ZEB1: variants seen among roughly 807,000 people sequenced by gnomAD.
The protein encoded by ZEB1 is zinc finger E-box binding homeobox 1.
In ZEB1, 21 loss-of-function variants were observed where a neutral mutation model predicts 84.9. The observed-to-expected ratio is 0.25, with a 90% confidence interval of 0.18 to 0.36. The LOEUF is 0.36. ZEB1 is among the 10% of genes least tolerant of loss of function. The pLI is 1.00. For synonymous variants in ZEB1, 420 were observed against 471.1 expected, an observed-to-expected ratio of 0.89 and a Z score of 1.41; for missense variants, 1,104 against 1,330.2, an observed-to-expected ratio of 0.83 and a Z score of 2.65.
chr10:31,370,580 T>C (rs1292623320), intron 1 of ZEB1, among the ~76,000 whole-genome samples: 1 of 152,206 alleles, frequency 6.6e-6, no homozygotes, highest in Non-Finnish European at 1.5e-5. Flanking sequence ...AAAATTTAAG[T>C]TAATCATACA....
chr10:31,323,717 T>A (rs763753332), intron 1 of ZEB1, among the ~76,000 whole-genome samples: 1 of 152,120 alleles, frequency 6.6e-6, no homozygotes, highest in Non-Finnish European at 1.5e-5. Flanking sequence ...TGCATGAGAC[T>A]GTATTTAGTT....
chr10:31,328,232 T>G (rs144078393), intron 1 of ZEB1, among the ~76,000 whole-genome samples: 1 of 152,310 alleles, frequency 6.6e-6, no homozygotes, highest in East Asian at 1.9e-4. Flanking sequence ...GAATACACCC[T>G]TTCTTAAGAG....
At chr10:31,378,722 A>G (rs2047121831) in intron 1 of ZEB1, among the ~76,000 whole-genome samples, 1 of 151,926 alleles carries the variant, frequency 6.6e-6, no homozygotes, top group Non-Finnish European at 1.5e-5. Context: ...CGGTAAAAGT[A>G]AAGTCAAGGA....
chr10:31,408,146 T>C (rs891567530), intron 1 of ZEB1, among the ~76,000 whole-genome samples: 129 of 151,816 alleles, frequency 8.5e-4, no homozygotes, highest in African/African-American at 3.0e-3. Context: ...CATTCACAAT[T>C]GCTTCAAAGA....
chr10:31,506,036 A>G (rs558420611), intron 4 of ZEB1, among the ~76,000 whole-genome samples: 8 of 151,956 alleles, frequency 5.3e-5, no homozygotes, highest in East Asian at 3.8e-4. Flanking sequence ...TGGTTATTCA[A>G]AAGCATGTTG....
At chr10:31,469,354 C>T (rs953413391) in intron 2 of ZEB1, among the ~76,000 whole-genome samples, 33 of 152,256 alleles carry the variant, frequency 2.2e-4, no homozygotes, top group East Asian at 7.7e-4. Context: ...AGTGGGTGCG[C>T]GCACCATGCG....
intron 1 of ZEB1, among the ~76,000 whole-genome samples, chr10:31,437,326 C>T (rs1383406236): frequency 1.3e-5 from 2 of 152,122 alleles, no homozygotes; most frequent in Non-Finnish European, 2.9e-5. Context: ...TAAATGTCTT[C>T]ATTCTCCTAT....
intron 5 of ZEB1, among the ~76,000 whole-genome samples, chr10:31,514,298 T>G (rs1212062049): frequency 6.6e-6 from 1 of 152,136 alleles, no homozygotes; most frequent in Non-Finnish European, 1.5e-5. Flanking sequence ...TTTTACTAAT[T>G]TTGAATATTG....
At chr10:31,418,602 GTGGGGTGGTAGAAGTGT>G (rs2055616086) in intron 1 of ZEB1, among the ~76,000 whole-genome samples, 1 of 152,058 alleles carries the variant, frequency 6.6e-6, no homozygotes, top group African/African-American at 2.4e-5. Context: ...GTGCGTTTTG[GTGGGGTGGTAGAAGTGT>G]TAGTTTCCTT....
At chr10:31,425,256 A>C (rs907811154) in intron 1 of ZEB1, among the ~76,000 whole-genome samples, 3 of 152,096 alleles carry the variant, frequency 2.0e-5, no homozygotes, top group African/African-American at 7.2e-5. Context: ...TGAGAATAAA[A>C]AGAAATCTAG....
chr10:31,354,279 T>C (rs1217358270), intron 1 of ZEB1, among the ~76,000 whole-genome samples: 2 of 152,156 alleles, frequency 1.3e-5, no homozygotes, highest in African/African-American at 4.8e-5. Flanking sequence ...ATAAAGCACT[T>C]TTTTTGTACT....
At position 31,468,089 on chromosome 10, in the gene ZEB1, C is replaced by T. The variant is rs149788095; in HGVS notation, c.259+6852C>T. On this transcript the variant is annotated intron_variant, in intron 2 of 8. Coordinates refer to ENST00000424869, the MANE Select transcript of ZEB1 (RefSeq NM_001174096.2). ...GTGGCACAGAAGAGGTGCCTGCACCCCTCCCTAGAGTGTTGTTCCAGCTGC... is the reference window on the plus strand; with the variant it reads ...GTGGCACAGAAGAGGTGCCTGCACCTCTCCCTAGAGTGTTGTTCCAGCTGC... Among the ~76,000 whole-genome samples the T allele has an allele frequency of 4.5e-4, 68 of 152,260 alleles. No homozygotes were observed. The East Asian group carries it at 0.011, about 26-fold the overall frequency.
intron 1 of ZEB1, among the ~76,000 whole-genome samples, chr10:31,351,235 G>A (rs994670363): frequency 1.1e-4 from 17 of 152,134 alleles, no homozygotes; most frequent in South Asian, 2.1e-4. Context: ...TTACTCTTAC[G>A]GTACAGTTGC....
At chr10:31,408,136 C>A (rs2053509392) in intron 1 of ZEB1, among the ~76,000 whole-genome samples, 1 of 151,774 alleles carries the variant, frequency 6.6e-6, no homozygotes, top group Non-Finnish European at 1.5e-5. Context: ...AGTGAACTCC[C>A]ATTCACAATT....
intron 2 of ZEB1, among the ~76,000 whole-genome samples, chr10:31,493,330 A>G (rs554799616): frequency 6.6e-6 from 1 of 151,832 alleles, no homozygotes; most frequent in African/African-American, 2.4e-5. Context: ...TTCATGACTT[A>G]TTTTTTAGCC....
At position 31,440,494 on chromosome 10, in the gene ZEB1, C is replaced by T. The variant is rs572720408; in HGVS notation, c.59-20543C>T. Reference sequence around the variant, plus strand: ...TGGGAGCATTCCCTTTGAAAACTGGCGCAAGACAGGGGTGCCCTTTCTCAC... The same window carrying T: ...TGGGAGCATTCCCTTTGAAAACTGGTGCAAGACAGGGGTGCCCTTTCTCAC... On this transcript the variant is annotated intron_variant, in intron 1 of 8. Coordinates refer to ENST00000424869, the MANE Select transcript of ZEB1 (RefSeq NM_001174096.2). 1.7e-3 allele frequency among the ~76,000 whole-genome samples: 261 copies of T among 152,034 alleles called. No individual in the cohort carries two copies. The Middle Eastern group carries it at 0.024, about 14-fold the overall frequency.
At chr10:31,450,871 A>T (rs1303247802) in intron 1 of ZEB1, among the ~76,000 whole-genome samples, 1 of 133,266 alleles carries the variant, frequency 7.5e-6, no homozygotes, top group Non-Finnish European at 1.6e-5. Context: ...TTTAGGACTG[A>T]GCGTGTGTGT....
chr10:31,333,131 C>G (rs1238727238), intron 1 of ZEB1, among the ~76,000 whole-genome samples: 1 of 152,004 alleles, frequency 6.6e-6, no homozygotes, highest in Non-Finnish European at 1.5e-5. Flanking sequence ...AGCAGTAAGG[C>G]AGATCTTCAC....
chr10:31,501,417 G>T (rs2068102346), intron 3 of ZEB1, among the ~76,000 whole-genome samples: 1 of 152,190 alleles, frequency 6.6e-6, no homozygotes, highest in South Asian at 2.1e-4. Flanking sequence ...ATTTACTGAG[G>T]CAGAAATAGA....
Sources: allele counts gnomAD v4.1 joint callset (sites outside exome capture counted in the v4.1 genomes callset), GRCh38; gene constraint gnomAD v4.1.1; transcripts MANE v1.5; gene names NCBI Gene and HGNC (gene_info 2026-07-23, HGNC 2026-07-21).